ZNF804A: variants seen among roughly 807,000 people sequenced by gnomAD.
The protein encoded by ZNF804A is zinc finger protein 804A.
ZNF804A carries 2 observed loss-of-function variants against 16.5 expected under a neutral mutation model. The observed-to-expected ratio is 0.12, with a 90% CI of 0.05 to 0.38. The LOEUF (loss-of-function observed/expected upper bound fraction) is 0.38, where lower values mean the gene tolerates loss of function less well. Ranked by LOEUF, ZNF804A falls within the 10% of genes least tolerant of loss-of-function variation. The pLI is 0.99. For missense variants in ZNF804A, 1,473 were observed against 1,390.7 expected (o/e 1.06, Z -0.94); for synonymous variants, 534 against 489.6 (o/e 1.09, Z -1.20).
intron 1 of ZNF804A, among the ~76,000 whole-genome samples, chr2:184,675,922 G>A (rs1200797683): frequency 2.6e-5 from 4 of 151,372 alleles, no homozygotes; most frequent in African/African-American, 4.8e-5. Flanking sequence ...AACCTCAATT[G>A]TTTATTTTCT....
At chr2:184,667,638 T>G (rs552815754) in intron 1 of ZNF804A, among the ~76,000 whole-genome samples, 30 of 151,964 alleles carry the variant, frequency 2.0e-4, no homozygotes, top group African/African-American at 7.2e-4. Flanking sequence ...AAAATGCCAT[T>G]AAAGAGTTAA....
chr2:184,774,694 T>A lies in ZNF804A; in HGVS notation c.112-91675T>A, dbSNP rs886406694. Among the ~76,000 whole-genome samples the A allele has an allele frequency of 8.6e-5, 13 of 151,848 alleles. 1 individual carries two copies. The highest frequency in any genetic ancestry group is 1.6e-4 in the Non-Finnish European group (11 of 67,870). On this transcript the variant is annotated intron_variant, in intron 1 of 3. Coordinates refer to ENST00000302277, the MANE Select transcript of ZNF804A (RefSeq NM_194250.2). ...AAATTAGTTCTATTTTTAATCATTT[T>A]ATCAAAAATATTTGCTCTGTGAAAG...
chr2:184,639,773 C>A (rs1691762207), intron 1 of ZNF804A, among the ~76,000 whole-genome samples: 1 of 152,012 alleles, frequency 6.6e-6, no homozygotes, highest in African/African-American at 2.4e-5. Flanking sequence ...GAGGCCAAGG[C>A]AGGCGGATCA....
At chr2:184,781,278 T>C (rs1023089578) in intron 1 of ZNF804A, among the ~76,000 whole-genome samples, 2 of 151,810 alleles carry the variant, frequency 1.3e-5, no homozygotes, top group Non-Finnish European at 2.9e-5. Context: ...CAAGAAAAGC[T>C]GCTATATTTT....
At chr2:184,727,109 T>G (rs958728037) in intron 1 of ZNF804A, among the ~76,000 whole-genome samples, 9 of 151,590 alleles carry the variant, frequency 5.9e-5, no homozygotes, top group Non-Finnish European at 1.2e-4. Flanking sequence ...ACTTTATATT[T>G]TTCAGAACAT....
chr2:184,846,669 A>G (rs922724577), intron 1 of ZNF804A, among the ~76,000 whole-genome samples: 2 of 152,084 alleles, frequency 1.3e-5, no homozygotes, highest in Non-Finnish European at 2.9e-5. Flanking sequence ...TCAGTCAACT[A>G]TTAAAATATA....
At chr2:184,643,330 C>A (rs927633927) in intron 1 of ZNF804A, among the ~76,000 whole-genome samples, 21 of 151,842 alleles carry the variant, frequency 1.4e-4, no homozygotes, top group African/African-American at 4.4e-4. Context: ...CATTTTTGAA[C>A]CTTGGATTTC....
intron 2 of ZNF804A, among the ~76,000 whole-genome samples, chr2:184,913,792 G>C (rs1364554194): frequency 1.3e-5 from 2 of 152,090 alleles, no homozygotes; most frequent in South Asian, 4.1e-4. Context: ...CTCAATAATA[G>C]TTTCTAAACA....
At chr2:184,854,417 CCAA>C (rs770715872) in intron 1 of ZNF804A, among the ~76,000 whole-genome samples, 26 of 152,010 alleles carry the variant, frequency 1.7e-4, no homozygotes, top group Admixed American at 7.2e-4. Context: ...GCCAGATATG[CCAA>C]CAACAAGTTC....
At chr2:184,788,516 C>G (rs1299051194) in intron 1 of ZNF804A, among the ~76,000 whole-genome samples, 1 of 151,920 alleles carries the variant, frequency 6.6e-6, no homozygotes, top group Non-Finnish European at 1.5e-5. Flanking sequence ...TTTCTTTCAT[C>G]AGTGTTTTGT....
At chr2:184,817,053 T>G (rs912192401) in intron 1 of ZNF804A, among the ~76,000 whole-genome samples, 3 of 151,950 alleles carry the variant, frequency 2.0e-5, no homozygotes, top group African/African-American at 7.2e-5. Flanking sequence ...CTGTAAATAT[T>G]GTATTTAAAG....
rs979245569 is a variant in ZNF804A at position 184,629,849 on chromosome 2, T to C, written c.111+30779T>C. On this transcript the variant is annotated intron_variant, in intron 1 of 3. Transcript: ENST00000302277. ...GACTATGACAGGGTATGTAATGTAA[T>C]TGTTTGTGATATCTCTGGCATTAGG... 3.3e-5 allele frequency among the ~76,000 whole-genome samples: 5 copies of C among 152,260 alleles called. No individual in the cohort carries two copies. In the East Asian group the frequency reaches 9.7e-4, roughly 29 times the overall value.
chr2:184,888,372 A>G (rs1684929006), intron 2 of ZNF804A, among the ~76,000 whole-genome samples: 1 of 152,154 alleles, frequency 6.6e-6, no homozygotes, highest in African/African-American at 2.4e-5. Flanking sequence ...TCAAATGTGT[A>G]AGAGATGTAA....
At chr2:184,839,136 GTAAACC>G (rs745873163) in intron 1 of ZNF804A, among the ~76,000 whole-genome samples, 3 of 152,022 alleles carry the variant, frequency 2.0e-5, no homozygotes, top group Non-Finnish European at 2.9e-5. Flanking sequence ...AAAGAAAAAT[GTAAACC>G]TAACCTAAAC....
At chr2:184,619,613 A>G (rs1324270596) in intron 1 of ZNF804A, among the ~76,000 whole-genome samples, 1 of 151,996 alleles carries the variant, frequency 6.6e-6, no homozygotes, top group Admixed American at 6.6e-5. Flanking sequence ...TGTTTATAAT[A>G]AAAAACATGA....
chr2:184,897,318 T>A (rs971956361), intron 2 of ZNF804A, among the ~76,000 whole-genome samples: 1 of 151,980 alleles, frequency 6.6e-6, no homozygotes, highest in Admixed American at 6.6e-5. Flanking sequence ...TTCCCCAGTG[T>A]TTTTTTCCCC....
intron 1 of ZNF804A, among the ~76,000 whole-genome samples, chr2:184,750,224 T>A (rs1473907056): frequency 6.6e-6 from 1 of 151,382 alleles, no homozygotes; most frequent in Non-Finnish European, 1.5e-5. Context: ...GGATACATGA[T>A]AATGTCAATG....
chr2:184,691,370 C>G (rs1028456219), intron 1 of ZNF804A, among the ~76,000 whole-genome samples: 5 of 151,644 alleles, frequency 3.3e-5, no homozygotes, highest in Non-Finnish European at 5.9e-5. Flanking sequence ...GATTTATGTT[C>G]CTTTTGTTCC....
intron 1 of ZNF804A, among the ~76,000 whole-genome samples, chr2:184,804,164 T>C (rs1694766807): frequency 6.6e-6 from 1 of 152,096 alleles, no homozygotes; most frequent in African/African-American, 2.4e-5. Context: ...GTGCCTGGCC[T>C]CTTCTGTCTG....
Sources: gnomAD v4.1 joint callset for allele counts (sites outside exome capture counted in the v4.1 genomes callset) on GRCh38, gnomAD v4.1.1 for gene constraint, MANE v1.5 for transcripts, NCBI Gene and HGNC (gene_info 2026-07-23, HGNC 2026-07-21) for gene names.